PLCG2: variants seen among roughly 807,000 people sequenced by gnomAD.
PLCG2 encodes the protein 1-phosphatidylinositol 4,5-bisphosphate phosphodiesterase gamma-2.
A neutral mutation model predicts 175.6 loss-of-function variants in PLCG2; 69 were observed. The observed-to-expected ratio is 0.39, with a 90% confidence interval of 0.32 to 0.48. PLCG2 has a LOEUF of 0.48. Ranked by LOEUF, PLCG2 falls within the 20% of genes least tolerant of loss-of-function variation. The pLI, the probability that PLCG2 is intolerant of heterozygous loss-of-function variation, is 0.91. For synonymous variants in PLCG2, 827 were observed against 624.0 expected (o/e 1.33, Z -4.85); for missense variants, 1,798 against 1,650.9 (o/e 1.09, Z -1.54).
At chr16:81,903,667 C>T (rs1909244943) in intron 14 of PLCG2, among the ~76,000 whole-genome samples, 1 of 152,120 alleles carries the variant, frequency 6.6e-6, no homozygotes, top group South Asian at 2.1e-4. Flanking sequence ...GGAGCTCGGC[C>T]ATGGAGGGTC....
intron 32 of PLCG2, 113 bp downstream of exon 32, chr16:81,956,992 C>G: frequency 1.1e-6 from 1 of 897,366 alleles, no homozygotes. Context: ...CTTCAGAAAT[C>G]CTTGGCCGGG....
chr16:81,758,974 G>A lies in PLCG2; in HGVS notation c.-48+3008G>A, dbSNP rs181451879. On this transcript the variant is annotated intron_variant, in intron 2 of 5. Coordinates refer to the PLCG2 transcript ENST00000565054. ...ATTACAGGCGTGAGCCACCGCACCC[G>A]GCTATCGTCCATCTTTTTAAATTTA... 7.9e-5 allele frequency among the ~76,000 whole-genome samples: 12 copies of A among 152,250 alleles called. No individual in the cohort carries two copies. The East Asian group carries it at 1.5e-3, about 20-fold the overall frequency.
chr16:81,895,837 C>T lies in PLCG2; in HGVS notation c.1103C>T (p.Pro368Leu). Residue 368 changes from proline (P) to leucine (L), a missense_variant, in exon 13 of 33, where the codon CCG becomes CTG. Transcript: ENST00000564138. ...TGCTGGGACGGGCCCGATGGGAAGC[C>T]GGTCATCTACCATGGCTGGACGCGG... The part of the protein sequence containing the change: ...LDCWDGPDGK[P>L]VIYHGWTRTT... 6.2e-6 allele frequency: 10 copies of T among 1,614,084 alleles called. No individual in the cohort carries two copies. Among genetic ancestry groups the T allele is most frequent in the South Asian group, 1.1e-5 (1 of 91,078 alleles).
chr16:81,743,308 A>T (rs540470951), intron 1 of PLCG2, among the ~76,000 whole-genome samples: 13 of 152,216 alleles, frequency 8.5e-5, no homozygotes, highest in Non-Finnish European at 1.8e-4. Flanking sequence ...CCACAGTAGC[A>T]CCACGGCCTT....
At chr16:81,859,626 C>G (rs1906863624) in intron 5 of PLCG2, among the ~76,000 whole-genome samples, 1 of 152,066 alleles carries the variant, frequency 6.6e-6, no homozygotes, top group Admixed American at 6.5e-5. Flanking sequence ...GCTCCGCCTC[C>G]TGGGTTCATG....
At chr16:81,955,801 G>C (rs529387372) in intron 31 of PLCG2, among the ~76,000 whole-genome samples, 1 of 152,232 alleles carries the variant, frequency 6.6e-6, no homozygotes, top group African/African-American at 2.4e-5. Context: ...GGTTGTACTG[G>C]TGGGGGAAGT....
At chr16:81,741,693 C>T (rs1260825638) in intron 1 of PLCG2, among the ~76,000 whole-genome samples, 1 of 152,010 alleles carries the variant, frequency 6.6e-6, no homozygotes. Flanking sequence ...GCCTGTAGTC[C>T]CCAGCTCCTT....
chr16:81,796,525 C>T lies in PLCG2; in HGVS notation c.193+10343C>T, dbSNP rs185992481. 2.2e-4 allele frequency among the ~76,000 whole-genome samples: 33 copies of T among 152,312 alleles called. No individual in the cohort carries two copies. The East Asian group carries it at 3.5e-3, about 16-fold the overall frequency. ...TGTGGGCAGTGGTGGGTGCCTGTTA[C>T]GGATTGAATTGTCCTTACCAATTTC... is the stretch of plus-strand genomic sequence containing the variant. On this transcript the variant is annotated intron_variant, in intron 2 of 32. Transcript: ENST00000564138.
At chr16:81,809,292 G>A (rs1052081255) in intron 2 of PLCG2, among the ~76,000 whole-genome samples, 3 of 152,170 alleles carry the variant, frequency 2.0e-5, no homozygotes, top group African/African-American at 7.2e-5. Flanking sequence ...GAGTGCTGGG[G>A]TGTTAGTGCC....
At chr16:81,947,472 C>T (rs555886166) in intron 31 of PLCG2, among the ~76,000 whole-genome samples, 5 of 152,270 alleles carry the variant, frequency 3.3e-5, no homozygotes, top group South Asian at 2.1e-4. Context: ...GAATTGCATT[C>T]GGTAGACCTG....
At chr16:81,784,305 T>G (rs552013434) in intron 1 of PLCG2, among the ~76,000 whole-genome samples, 192 of 152,330 alleles carry the variant, frequency 1.3e-3, no homozygotes, top group African/African-American at 4.4e-3. Context: ...CAATGGCTGA[T>G]TAATGCTAAC....
chr16:81,807,019 G>A (rs1904284372), intron 2 of PLCG2, among the ~76,000 whole-genome samples: 2 of 152,222 alleles, frequency 1.3e-5, no homozygotes, highest in African/African-American at 2.4e-5. Flanking sequence ...ATGGCCCCTC[G>A]GGCTGCTCTG....
chr16:81,827,812 C>T (rs1348763854), intron 2 of PLCG2, among the ~76,000 whole-genome samples: 1 of 152,036 alleles, frequency 6.6e-6, no homozygotes, highest in Middle Eastern at 3.2e-3. Flanking sequence ...TTGACGCCGC[C>T]AGGCACGGTG....
intron 1 of PLCG2, among the ~76,000 whole-genome samples, chr16:81,746,863 G>A (rs1406513943): frequency 6.6e-6 from 1 of 152,166 alleles, no homozygotes; most frequent in Non-Finnish European, 1.5e-5. Context: ...TTTGTAACCA[G>A]GAGTATGAAT....
chr16:81,776,931 C>T (rs113136561), upstream of PLCG2, among the ~76,000 whole-genome samples: 5 of 152,280 alleles, frequency 3.3e-5, no homozygotes, highest in African/African-American at 1.2e-4. Flanking sequence ...TTTCAATCCA[C>T]TGATTCCTTC....
At chr16:81,839,384 A>G (rs1905701196) in intron 2 of PLCG2, among the ~76,000 whole-genome samples, 1 of 152,154 alleles carries the variant, frequency 6.6e-6, no homozygotes, top group Non-Finnish European at 1.5e-5. Context: ...TAGTCTTTGT[A>G]TAATGAGAGT....
intron 14 of PLCG2, among the ~76,000 whole-genome samples, chr16:81,904,066 T>C (rs1157934001): frequency 1.3e-5 from 2 of 152,208 alleles, no homozygotes; most frequent in East Asian, 3.9e-4. Context: ...AGAGGTTAAA[T>C]AGCTCAGCCA....
At chr16:81,810,062 G>A (rs528596478) in intron 2 of PLCG2, among the ~76,000 whole-genome samples, 23 of 151,982 alleles carry the variant, frequency 1.5e-4, no homozygotes, top group African/African-American at 4.1e-4. Context: ...CGTGATCTCA[G>A]CTCACTGCAA....
At chr16:81,843,342 T>A (rs756190015) in intron 2 of PLCG2, among the ~76,000 whole-genome samples, 1 of 152,214 alleles carries the variant, frequency 6.6e-6, no homozygotes. Flanking sequence ...TTTACACTCA[T>A]ACGTGCACAC....
Sources: allele counts gnomAD v4.1 joint callset (sites outside exome capture counted in the v4.1 genomes callset), GRCh38; gene constraint gnomAD v4.1.1; transcripts MANE v1.5; gene names NCBI Gene and HGNC (gene_info 2026-07-23, HGNC 2026-07-21).